The following SLC4A4 variants were observed in gnomAD, a reference collection of about 807,000 sequenced individuals.
SLC4A4 encodes the protein electrogenic sodium bicarbonate cotransporter 1.
SLC4A4 carries 27 observed loss-of-function variants against 111.5 expected under a neutral mutation model. That is an observed-to-expected ratio of 0.24 (90% CI 0.18 to 0.33). SLC4A4 has a LOEUF of 0.33. SLC4A4 is among the 10% of genes least tolerant of loss of function. SLC4A4 has a pLI of 1.00. For synonymous variants in SLC4A4, 443 were observed against 463.4 expected, an observed-to-expected ratio of 0.96 and a Z score of 0.57; for missense variants, 909 against 1,315.5, an observed-to-expected ratio of 0.69 and a Z score of 4.78.
At chr4:71,497,809 T>C in intron 16 of SLC4A4, 117 bp downstream of exon 16, 1 of 844,474 alleles carries the variant, frequency 1.2e-6, no homozygotes, top group South Asian at 1.5e-5. Context: ...ATTTTGTGCG[T>C]TTTAAACATT....
chr4:71,083,274 T>G lies in SLC4A4; in HGVS notation c.-64-9456T>G, dbSNP rs941827175. 5.0e-5 allele frequency among the ~76,000 whole-genome samples: 7 copies of G among 141,050 alleles called. No homozygotes were observed. In the East Asian group the frequency reaches 7.8e-4, roughly 16 times the overall value. 92.5% of individuals were successfully genotyped at this position (141,050 alleles called of 152,430 possible). ...TCAGTGCATCACATTTTCCAACTTG[T>G]TTTTTTTTTCATTTAAACTTAAGTT... On this transcript the variant is annotated intron_variant, in intron 1 of 26. Transcript: ENST00000649996.
chr4:71,518,081 G>A (rs1383984283), intron 16 of SLC4A4, among the ~76,000 whole-genome samples: 2 of 152,182 alleles, frequency 1.3e-5, no homozygotes, highest in Non-Finnish European at 2.9e-5. Flanking sequence ...CTGGCTCCAT[G>A]GGTACCAGCC....
intron 9 of SLC4A4, among the ~76,000 whole-genome samples, chr4:71,447,996 A>T (rs895745671): frequency 6.6e-5 from 10 of 152,174 alleles, no homozygotes; most frequent in Non-Finnish European, 1.3e-4. Flanking sequence ...TTCATTTCTT[A>T]AAACTGATAT....
chr4:71,332,515 G>T (rs370443203), intron 3 of SLC4A4, among the ~76,000 whole-genome samples: 2,060 of 148,122 alleles, frequency 0.014, 52 homozygotes, highest in African/African-American at 0.049. Context: ...CGCGATCTCC[G>T]CTCACTGCAA....
At chr4:71,072,429 G>A (rs951324560) in intron 1 of SLC4A4, among the ~76,000 whole-genome samples, 7 of 151,954 alleles carry the variant, frequency 4.6e-5, no homozygotes, top group African/African-American at 1.7e-4. Context: ...GTTTCATTCA[G>A]CAATTTATCA....
intron 16 of SLC4A4, among the ~76,000 whole-genome samples, chr4:71,506,227 CA>C (rs1390978363): frequency 5.1e-4 from 77 of 152,172 alleles, no homozygotes; most frequent in Non-Finnish European, 4.4e-5. Context: ...TGAAGAATAT[CA>C]ATAGTATTTT....
chr4:71,301,134 G>A (rs1725220077), intron 3 of SLC4A4: 3 of 354,090 alleles, frequency 8.5e-6, no homozygotes, highest in South Asian at 7.4e-5. Flanking sequence ...CAGCATGGGG[G>A]ATGGGCACCA....
intron 13 of SLC4A4, among the ~76,000 whole-genome samples, chr4:71,469,668 C>T (rs1233196646): frequency 1.3e-5 from 2 of 151,958 alleles, no homozygotes; most frequent in African/African-American, 4.8e-5. Context: ...TACCATTTTA[C>T]TGTAATCATT....
chr4:71,067,443 T>C (rs1164120774), intron 1 of SLC4A4, among the ~76,000 whole-genome samples: 5 of 152,226 alleles, frequency 3.3e-5, no homozygotes, highest in Non-Finnish European at 7.3e-5. Flanking sequence ...AACGTATATC[T>C]TGATTATTGG....
rs188924372 is a variant in SLC4A4, at chr4:71,350,181, A to G, written c.550+109A>G. On this transcript the variant is annotated intron_variant, in intron 5 of 25. Coordinates refer to ENST00000264485, the MANE Select transcript of SLC4A4 (RefSeq NM_001098484.3). ...TAAGCAGAGTTAAATGTTTTATAAC[A>G]TTTATTCTCTCTTTTTGCATTATAA... The G allele has an allele frequency of 5.0e-4, 548 of 1,106,158 alleles. 1 individual carries two copies. Among genetic ancestry groups the G allele is most frequent in the Non-Finnish European group, 7.0e-4 (519 of 739,100 alleles). The allele number at this position is 1,106,158 out of a possible 1,614,324, so 68.5% of individuals were successfully genotyped here. A position where few individuals can be genotyped will look rare whatever the true frequency, so the allele number is the denominator to read the frequency against.
chr4:71,206,745 T>C (rs1340897373), intron 1 of SLC4A4, among the ~76,000 whole-genome samples: 1 of 151,986 alleles, frequency 6.6e-6, no homozygotes, highest in Non-Finnish European at 1.5e-5. Flanking sequence ...TCTGTGAATC[T>C]CATTAAAACC....
intron 3 of SLC4A4, among the ~76,000 whole-genome samples, chr4:71,288,601 G>A (rs1006502310): frequency 6.6e-6 from 1 of 152,064 alleles, no homozygotes; most frequent in Non-Finnish European, 1.5e-5. Context: ...GTTTCACCAT[G>A]TTGGCCAGGC....
rs780231212 is a variant in SLC4A4, at chr4:71,357,014, T to C, written c.557T>C (p.Ile186Thr). ...GCTTTTGTTTTTGTACCAGAGATGA[T>C]TGTTGACCATCAGATTGAGACAGGC... ...ASSLPQLVEM[I>T]VDHQIETGLL... The change falls in exon 6 of 26, where the codon ATT becomes ACT. Residue 186 changes from isoleucine (I) to threonine (T), a missense_variant. Ile to Thr is a moderately conservative substitution (Grantham distance 89, BLOSUM62 -1). Coordinates refer to ENST00000264485, the MANE Select transcript of SLC4A4 (RefSeq NM_001098484.3). 3.1e-6 allele frequency: 5 copies of C among 1,613,960 alleles called. No individual in the cohort carries two copies. In the South Asian group the frequency reaches 5.5e-5, roughly 18 times the overall value.
intron 7 of SLC4A4, chr4:71,437,257 C>A: frequency 2.8e-6 from 1 of 362,602 alleles, no homozygotes; most frequent in South Asian, 2.7e-5. Context: ...AAGCCTTTGC[C>A]CAGTGAAGAA....
intron 3 of SLC4A4, among the ~76,000 whole-genome samples, chr4:71,284,537 A>G (rs562765461): frequency 6.6e-6 from 1 of 152,348 alleles, no homozygotes; most frequent in South Asian, 2.1e-4. Flanking sequence ...AAATTAGAAT[A>G]AATTGTAACA....
At chr4:71,554,156 G>A (rs941301338) in intron 20 of SLC4A4, among the ~76,000 whole-genome samples, 7 of 151,972 alleles carry the variant, frequency 4.6e-5, no homozygotes, top group East Asian at 1.9e-4. Context: ...CACTTAGTAC[G>A]TGCAGTATTT....
At chr4:71,242,197 A>T (rs988584622) in intron 2 of SLC4A4, among the ~76,000 whole-genome samples, 1 of 152,226 alleles carries the variant, frequency 6.6e-6, no homozygotes, top group African/African-American at 2.4e-5. Context: ...GCAATAAGCC[A>T]TACCAAATTG....
Position 71,087,712 on chromosome 4 carries a change from G to T in SLC4A4, c.-64-5018G>T, listed in dbSNP as rs545925938. Among the ~76,000 whole-genome samples, 19 of 151,764 alleles carry T rather than the reference G, an allele frequency of 1.3e-4. No individual in the cohort carries two copies. In the East Asian group the frequency reaches 2.3e-3, roughly 19 times the overall value. ...TGTTCAGTTTCCATGTAGTTGAGCG[G>T]TTTTGAGCAAGTTTCTTAATCCTGA... On this transcript the variant is annotated intron_variant, in intron 1 of 26. Transcript: ENST00000649996.
chr4:71,207,821 T>C (rs1406110775), intron 1 of SLC4A4, among the ~76,000 whole-genome samples: 3 of 152,210 alleles, frequency 2.0e-5, no homozygotes, highest in Non-Finnish European at 4.4e-5. Flanking sequence ...TTTCCTCCTT[T>C]TTCTTCGGGG....
Sources: gnomAD v4.1 joint callset for allele counts (sites outside exome capture counted in the v4.1 genomes callset) on GRCh38, gnomAD v4.1.1 for gene constraint, MANE v1.5 for transcripts, NCBI Gene and HGNC (gene_info 2026-07-23, HGNC 2026-07-21) for gene names.